Variants in DGKB observed in about 807,000 individuals in gnomAD.
DGKB encodes the protein 90 kDa diacylglycerol kinase.
In DGKB, 67 loss-of-function variants were observed where a neutral mutation model predicts 114.3. The observed-to-expected ratio is 0.59, with a 90% CI of 0.48 to 0.72. The LOEUF is 0.72. Ranked by LOEUF, DGKB falls within the 30% of genes least tolerant of loss-of-function variation. The pLI is 0.00. For synonymous variants in DGKB, 398 were observed against 323.1 expected, an observed-to-expected ratio of 1.23 and a Z score of -2.49; for missense variants, 907 against 975.2, an observed-to-expected ratio of 0.93 and a Z score of 0.93.
chr7:14,839,357 T>TA (rs554493158), intron 2 of DGKB, among the ~76,000 whole-genome samples: 128 of 151,732 alleles, frequency 8.4e-4, no homozygotes, highest in African/African-American at 2.9e-3. Flanking sequence ...CTGCAAGTGA[T>TA]AAAGAAGAAG....
intron 17 of DGKB, among the ~76,000 whole-genome samples, chr7:14,595,509 G>C (rs1011082602): frequency 7.0e-6 from 1 of 143,114 alleles, no homozygotes; most frequent in Non-Finnish European, 1.5e-5. Flanking sequence ...TGATTATGTA[G>C]GGCCTGATGT....
chr7:14,935,084 A>T (rs914077144), intron 1 of DGKB, among the ~76,000 whole-genome samples: 1 of 152,140 alleles, frequency 6.6e-6, no homozygotes, highest in African/African-American at 2.4e-5. Flanking sequence ...TCAGCTGACA[A>T]ATCGTGGTGC....
At chr7:14,859,393 T>C (rs1230204167) in intron 1 of DGKB, among the ~76,000 whole-genome samples, 3 of 152,112 alleles carry the variant, frequency 2.0e-5, no homozygotes, top group Non-Finnish European at 4.4e-5. Context: ...CTTCATTAGA[T>C]ATATTTGTTC....
intron 21 of DGKB, among the ~76,000 whole-genome samples, chr7:14,442,081 A>T (rs1490432805): frequency 6.6e-6 from 1 of 152,024 alleles, no homozygotes; most frequent in African/African-American, 2.4e-5. Flanking sequence ...CTTTCTTTGT[A>T]ACTTCTTTAC....
intron 21 of DGKB, among the ~76,000 whole-genome samples, chr7:14,413,753 G>C (rs1350243572): frequency 1.3e-5 from 2 of 152,120 alleles, no homozygotes; most frequent in Admixed American, 1.3e-4. Context: ...TGGCACCCAG[G>C]GCAAGAGTGA....
chr7:14,416,302 A>G (rs952616614), intron 21 of DGKB, among the ~76,000 whole-genome samples: 1 of 152,098 alleles, frequency 6.6e-6, no homozygotes, highest in African/African-American at 2.4e-5. Flanking sequence ...GTTATGTTTC[A>G]TAGAATCAGG....
At chr7:14,815,666 C>T (rs1384168545) in intron 2 of DGKB, among the ~76,000 whole-genome samples, 1 of 152,168 alleles carries the variant, frequency 6.6e-6, no homozygotes, top group Non-Finnish European at 1.5e-5. Flanking sequence ...TGACCCCATC[C>T]CCTGGGTTTA....
At chr7:14,683,120 A>G (rs1412595739) in intron 10 of DGKB, among the ~76,000 whole-genome samples, 1 of 152,186 alleles carries the variant, frequency 6.6e-6, no homozygotes, top group East Asian at 1.9e-4. Flanking sequence ...ATTTTTCACA[A>G]TAATTCCCAG....
chr7:14,370,853 G>T (rs1261450699), intron 21 of DGKB, among the ~76,000 whole-genome samples: 8 of 152,146 alleles, frequency 5.3e-5, no homozygotes, highest in East Asian at 1.9e-4. Context: ...AATGTCTATT[G>T]TTGCCATGTT....
chr7:14,881,394 GACA>G (rs1222641792), intron 1 of DGKB, among the ~76,000 whole-genome samples: 2 of 152,158 alleles, frequency 1.3e-5, no homozygotes, highest in East Asian at 3.9e-4. Flanking sequence ...TGCCTATTAT[GACA>G]ACAAGTATTT....
chr7:14,584,096 G>A (rs1396444210), intron 17 of DGKB, among the ~76,000 whole-genome samples: 3 of 152,060 alleles, frequency 2.0e-5, no homozygotes, highest in Non-Finnish European at 4.4e-5. Context: ...AACTTGTGTG[G>A]TTTTATTTTA....
At chr7:14,671,326 G>C (rs769081462) in intron 13 of DGKB, among the ~76,000 whole-genome samples, 3 of 152,064 alleles carry the variant, frequency 2.0e-5, no homozygotes, top group Non-Finnish European at 2.9e-5. Flanking sequence ...AGACATTTTG[G>C]AAGGACGAAA....
At chr7:14,463,353 TACATGTTCTGC>T (rs1833374750) in intron 21 of DGKB, among the ~76,000 whole-genome samples, 1 of 152,152 alleles carries the variant, frequency 6.6e-6, no homozygotes, top group Non-Finnish European at 1.5e-5. Context: ...GTAACAAAAC[TACATGTTCTGC>T]ACATGTACCC....
At chr7:14,322,187 G>A (rs778202474) in intron 23 of DGKB, among the ~76,000 whole-genome samples, 1 of 152,106 alleles carries the variant, frequency 6.6e-6, no homozygotes, top group Admixed American at 6.6e-5. Flanking sequence ...ATTTATTTAG[G>A]TATTGTTTTT....
intron 2 of DGKB, among the ~76,000 whole-genome samples, chr7:14,777,669 A>G (rs182041491): frequency 5.3e-4 from 81 of 152,290 alleles, no homozygotes; most frequent in African/African-American, 1.7e-3. Context: ...CTGTGAGTCC[A>G]TTAAATCTCT....
At chr7:14,535,391 A>G (rs61268598) in intron 20 of DGKB, among the ~76,000 whole-genome samples, 53,058 of 146,574 alleles carry the variant, frequency 0.36, 10,179 homozygotes, top group Admixed American at 0.45. Context: ...AAAAAAAAAA[A>G]AAAGAAAGAA....
At chr7:14,946,377 C>T (rs1438066112) in intron 1 of DGKB, among the ~76,000 whole-genome samples, 3 of 151,632 alleles carry the variant, frequency 2.0e-5, no homozygotes, top group East Asian at 3.9e-4. Flanking sequence ...CTATCCAAAC[C>T]AAACTCCCAT....
intron 1 of DGKB, among the ~76,000 whole-genome samples, chr7:14,896,812 A>G (rs1006499758): frequency 2.0e-4 from 31 of 151,804 alleles, no homozygotes; most frequent in African/African-American, 7.2e-4. Flanking sequence ...GTCCTATATC[A>G]TCAAACCTAA....
chr7:14,478,335 A>G (rs1782497103), intron 20 of DGKB, 110 bp from the exon 21 acceptor site: 1 of 661,280 alleles, frequency 1.5e-6, no homozygotes, highest in African/African-American at 1.8e-5. Context: ...TTTATTTACA[A>G]TATTATTGCC....
Sources: gnomAD v4.1 joint callset for allele counts (sites outside exome capture counted in the v4.1 genomes callset) on GRCh38, gnomAD v4.1.1 for gene constraint, MANE v1.5 for transcripts, NCBI Gene and HGNC (gene_info 2026-07-23, HGNC 2026-07-21) for gene names.